FSTL5: variants seen among roughly 807,000 people sequenced by gnomAD.
FSTL5 encodes the protein follistatin-related protein 5.
FSTL5 carries 62 observed loss-of-function variants against 89.1 expected under a neutral mutation model. That is an observed-to-expected ratio of 0.70 (90% CI 0.57 to 0.86). The LOEUF (loss-of-function observed/expected upper bound fraction) is 0.86, where lower values mean the gene tolerates loss of function less well. Among genes scored for constraint, FSTL5 ranks in the 40% least tolerant of loss-of-function variants. FSTL5 has a pLI of 0.00. For missense variants in FSTL5, 1,057 were observed against 1,001.6 expected, an observed-to-expected ratio of 1.06 and a Z score of -0.75; for synonymous variants, 383 against 346.2, an observed-to-expected ratio of 1.11 and a Z score of -1.18.
intron 4 of FSTL5, among the ~76,000 whole-genome samples, chr4:161,877,364 G>T (rs1300440553): frequency 6.7e-6 from 1 of 149,822 alleles, no homozygotes. Context: ...ATGTAATATT[G>T]TATTTATATT....
intron 4 of FSTL5, among the ~76,000 whole-genome samples, chr4:161,902,817 C>A (rs548499744): frequency 3.9e-5 from 6 of 152,110 alleles, no homozygotes; most frequent in African/African-American, 1.2e-4. Flanking sequence ...CCACTGCACT[C>A]CAGCCTGGGC....
chr4:162,056,934 A>G (rs1035741839), intron 2 of FSTL5, among the ~76,000 whole-genome samples: 26 of 152,234 alleles, frequency 1.7e-4, no homozygotes, highest in African/African-American at 6.0e-4. Flanking sequence ...AAATACTATT[A>G]TTTAACTTCA....
intron 4 of FSTL5, among the ~76,000 whole-genome samples, chr4:161,781,080 A>T (rs1455915387): frequency 6.6e-6 from 1 of 152,104 alleles, no homozygotes; most frequent in African/African-American, 2.4e-5. Flanking sequence ...CTATCTGTAT[A>T]TTATAATGTA....
At chr4:161,990,829 G>A (rs77378899) in intron 3 of FSTL5, among the ~76,000 whole-genome samples, 8,352 of 152,106 alleles carry the variant, frequency 0.055, 262 homozygotes, top group Non-Finnish European at 0.077. Context: ...AATGAAATAT[G>A]TGAGCTACAA....
intron 3 of FSTL5, among the ~76,000 whole-genome samples, chr4:161,933,936 G>C (rs1357883325): frequency 6.6e-6 from 1 of 152,074 alleles, no homozygotes; most frequent in Non-Finnish European, 1.5e-5. Context: ...TAGCACTGAA[G>C]TAGGAAGAGT....
intron 6 of FSTL5, among the ~76,000 whole-genome samples, chr4:161,676,615 G>A (rs1340176960): frequency 6.6e-6 from 1 of 151,848 alleles, no homozygotes; most frequent in East Asian, 1.9e-4. Context: ...TAACAAACCT[G>A]CACGTTCTGC....
intron 2 of FSTL5, among the ~76,000 whole-genome samples, chr4:162,103,918 G>T: frequency 6.6e-6 from 1 of 152,310 alleles, no homozygotes. Flanking sequence ...GACAAGGATC[G>T]GGATATAAAC....
intron 3 of FSTL5, among the ~76,000 whole-genome samples, chr4:162,031,745 G>C (rs985375216): frequency 6.6e-6 from 1 of 152,092 alleles, no homozygotes; most frequent in East Asian, 1.9e-4. Flanking sequence ...AGACCGTCCT[G>C]GCCAAGACAG....
intron 4 of FSTL5, among the ~76,000 whole-genome samples, chr4:161,828,813 A>C (rs1447280532): frequency 6.6e-6 from 1 of 152,108 alleles, no homozygotes; most frequent in Non-Finnish European, 1.5e-5. Context: ...TTAGTACAAC[A>C]CATGCTTATT....
chr4:162,141,240 C>T (rs1272929865), intron 1 of FSTL5, among the ~76,000 whole-genome samples: 1 of 100,542 alleles, frequency 9.9e-6, no homozygotes, highest in Non-Finnish European at 2.2e-5. Context: ...CCTCAGCCTC[C>T]CGTGTAGCTG....
At chr4:161,665,887 G>A (rs1257191821) in intron 6 of FSTL5, among the ~76,000 whole-genome samples, 4 of 151,492 alleles carry the variant, frequency 2.6e-5, no homozygotes, top group Non-Finnish European at 4.4e-5. Flanking sequence ...AGATGAAGAA[G>A]AAGAAGAAGA....
intron 6 of FSTL5, among the ~76,000 whole-genome samples, chr4:161,731,089 A>G (rs964054202): frequency 5.9e-5 from 9 of 152,212 alleles, no homozygotes; most frequent in African/African-American, 2.2e-4. Flanking sequence ...GTTAATCAAT[A>G]TATCTATTTT....
intron 6 of FSTL5, among the ~76,000 whole-genome samples, chr4:161,677,101 A>G (rs1737332672): frequency 6.6e-6 from 1 of 151,960 alleles, no homozygotes; most frequent in Admixed American, 6.6e-5. Flanking sequence ...TAAATGATTG[A>G]CCCCAATTTA....
At position 161,729,629 on chromosome 4, in the gene FSTL5, C is replaced by T. The variant is rs1057294289; in HGVS notation, c.727+29782G>A. The stretch of plus-strand genomic sequence containing the variant: ...CAAAAGTAGATATTTTAAGCAAAAA[C>T]GATACTGAATTATGAAAATCTCTTG... On this transcript the variant is annotated intron_variant, in intron 6 of 15. Transcript: ENST00000306100. Among the ~76,000 whole-genome samples, 4 of 152,212 alleles carry T rather than the reference C, an allele frequency of 2.6e-5. No homozygotes were observed. The East Asian group carries it at 5.8e-4, about 22-fold the overall frequency.
In FSTL5 at chr4:161,783,667, T is replaced by TTCTTTC. The variant is rs1741759444; in HGVS notation, c.410-7599_410-7594dup. 6.5e-5 allele frequency among the ~76,000 whole-genome samples: 2 copies of TTCTTTC among 30,998 alleles called. 1 individual carries two copies. Among genetic ancestry groups the TTCTTTC allele is most frequent in the African/African-American group, 1.6e-4 (2 of 12,200 alleles). 20.3% of individuals were successfully genotyped at this position (30,998 alleles called of 152,430 possible). A position where few individuals can be genotyped will look rare whatever the true frequency, so the allele number is the denominator to read the frequency against. ...TTTCTCTCTCTTTCTTTCTTTCTCT[T>TTCTTTC]TCTTTCTTTCTCTTTCTTTCTTTCT... On this transcript the variant is annotated intron_variant, in intron 4 of 15. Coordinates refer to ENST00000306100, the MANE Select transcript of FSTL5 (RefSeq NM_020116.5).
intron 13 of FSTL5, among the ~76,000 whole-genome samples, chr4:161,471,385 T>C (rs928580692): frequency 1.3e-5 from 2 of 152,334 alleles, no homozygotes; most frequent in South Asian, 4.1e-4. Context: ...GAATCATCCT[T>C]GCATTCCAGG....
intron 3 of FSTL5, among the ~76,000 whole-genome samples, chr4:161,949,457 T>C (rs1734830046): frequency 6.6e-6 from 1 of 152,080 alleles, no homozygotes; most frequent in Non-Finnish European, 1.5e-5. Flanking sequence ...GCTTTCTTTT[T>C]TATTTTCTTC....
chr4:161,847,959 C>T (rs565578634), intron 4 of FSTL5, among the ~76,000 whole-genome samples: 2 of 142,470 alleles, frequency 1.4e-5, no homozygotes, highest in East Asian at 4.6e-4. Context: ...TCTCTTGAAC[C>T]CGGGAGGCAG....
chr4:161,906,671 C>G (rs7671765), intron 4 of FSTL5, among the ~76,000 whole-genome samples: 123,390 of 152,008 alleles, frequency 0.81, 51,095 homozygotes, highest in Non-Finnish European at 0.89. Context: ...AGGCAAGTAT[C>G]TGGAAGAAAA....
Sources: gnomAD v4.1 joint callset for allele counts (sites outside exome capture counted in the v4.1 genomes callset) on GRCh38, gnomAD v4.1.1 for gene constraint, MANE v1.5 for transcripts, NCBI Gene and HGNC (gene_info 2026-07-23, HGNC 2026-07-21) for gene names.